Variants in HS6ST2 observed in about 807,000 individuals in gnomAD.
HS6ST2 encodes heparan-sulfate 6-O-sulfotransferase 2.
In HS6ST2, 17 loss-of-function variants were observed where a neutral mutation model predicts 33.0. That is an observed-to-expected ratio of 0.52 (90% CI 0.35 to 0.77). The LOEUF (loss-of-function observed/expected upper bound fraction) is 0.77, where lower values mean the gene tolerates loss of function less well. HS6ST2 is among the 30% of genes least tolerant of loss of function. The pLI is 0.01. For missense variants in HS6ST2, 519 were observed against 551.7 expected, an observed-to-expected ratio of 0.94 and a Z score of 0.59; for synonymous variants, 248 against 237.1, an observed-to-expected ratio of 1.05 and a Z score of -0.42.
intron 2 of HS6ST2, among the ~76,000 whole-genome samples, chrX:132,945,009 C>A (rs1426695865): frequency 4.5e-5 from 5 of 111,909 alleles, no homozygotes; most frequent in Non-Finnish European, 9.4e-5. Flanking sequence ...CAAATGATAT[C>A]TAATTAAACT....
chrX:132,740,668 A>T (rs2064562927), intron 2 of HS6ST2, among the ~76,000 whole-genome samples: 1 of 111,018 alleles, frequency 9.0e-6, no homozygotes, highest in South Asian at 3.8e-4. Context: ...AAAAAAATTC[A>T]GGACTTTTTT....
rs188606879 is a variant in HS6ST2, at chrX:132,846,426, T to A, written c.947+110382A>T. On this transcript the variant is annotated intron_variant, in intron 2 of 4. Coordinates refer to ENST00000370833, the MANE Select transcript of HS6ST2 (RefSeq NM_001394073.1). Reference sequence around the variant, plus strand: ...GATGCAATATCATTGAAAGCTGAAATGAGAGTCTGATGATCTTGACCAACA... The same window carrying A: ...GATGCAATATCATTGAAAGCTGAAAAGAGAGTCTGATGATCTTGACCAACA... 8.1e-3 allele frequency among the ~76,000 whole-genome samples: 913 copies of A among 112,466 alleles called. 7 individuals carry two copies. The highest frequency in any genetic ancestry group is 0.012 in the Non-Finnish European group (649 of 53,257).
intron 2 of HS6ST2, among the ~76,000 whole-genome samples, chrX:132,820,046 T>C (rs956242437): frequency 8.9e-6 from 1 of 112,015 alleles, no homozygotes; most frequent in Non-Finnish European, 1.9e-5. Context: ...TCTGAAGCGT[T>C]TCATTCTAAG....
At position 132,638,388 on chromosome X, in the gene HS6ST2, T is replaced by C. The variant is rs1015812294; in HGVS notation, c.1068-9295A>G. ...CCAAACAGGAGTTTAATAAATGCTG[T>C]TATCAGCAGTGGCAGCAGTCTCATA... On this transcript the variant is annotated intron_variant, in intron 4 of 4. Transcript: ENST00000370833. 3.6e-5 allele frequency among the ~76,000 whole-genome samples: 4 copies of C among 111,331 alleles called. No individual in the cohort carries two copies. In the Admixed American group the frequency reaches 3.9e-4, roughly 11 times the overall value.
intron 2 of HS6ST2, among the ~76,000 whole-genome samples, chrX:132,783,547 A>G (rs2065033100): frequency 9.0e-6 from 1 of 110,794 alleles, no homozygotes; most frequent in African/African-American, 3.3e-5. Flanking sequence ...CCACCCACAC[A>G]CACCCAAAGT....
intron 2 of HS6ST2, among the ~76,000 whole-genome samples, chrX:132,748,592 A>C (rs954320444): frequency 1.8e-5 from 2 of 110,571 alleles, no homozygotes; most frequent in Admixed American, 9.6e-5. Context: ...CTTGGGAAAA[A>C]CCTTTCTACA....
chrX:132,684,322 T>C (rs915949231), intron 3 of HS6ST2, among the ~76,000 whole-genome samples: 18 of 105,105 alleles, frequency 1.7e-4, no homozygotes, highest in African/African-American at 6.2e-4. Context: ...TATATGTATA[T>C]ACATATATAT....
chrX:132,889,464 T>C (rs1443364161), intron 2 of HS6ST2, among the ~76,000 whole-genome samples: 1 of 110,453 alleles, frequency 9.1e-6, no homozygotes, highest in African/African-American at 3.3e-5. Flanking sequence ...CTATACTGGG[T>C]CAAAGGGAAC....
At chrX:132,839,448 C>T (rs868340204) in intron 2 of HS6ST2, among the ~76,000 whole-genome samples, 2 of 106,938 alleles carry the variant, frequency 1.9e-5, no homozygotes, top group South Asian at 8.3e-4. Context: ...AACTCAGAAA[C>T]AGTCAAATAC....
At chrX:132,738,805 A>G (rs1277537876) in intron 2 of HS6ST2, among the ~76,000 whole-genome samples, 2 of 111,943 alleles carry the variant, frequency 1.8e-5, no homozygotes, top group Admixed American at 1.9e-4. Context: ...CCCCACATCC[A>G]AGCACATCTT....
chrX:132,907,935 A>G (rs1480476319), intron 2 of HS6ST2, among the ~76,000 whole-genome samples: 1 of 112,109 alleles, frequency 8.9e-6, no homozygotes, highest in Non-Finnish European at 1.9e-5. Context: ...GAAATCATCA[A>G]AATTTTAAAC....
chrX:132,667,385 T>C (rs1012318815), intron 4 of HS6ST2, among the ~76,000 whole-genome samples: 3 of 112,070 alleles, frequency 2.7e-5, no homozygotes, highest in Admixed American at 1.9e-4. Context: ...GAGAGACCCT[T>C]CACCATGGCA....
Position 132,626,413 on chromosome X carries a change from A to G in HS6ST2, c.*1810T>C, listed in dbSNP as rs998455717. On this transcript the variant is annotated 3_prime_UTR_variant, in exon 5 of 5. Coordinates refer to ENST00000370833, the MANE Select transcript of HS6ST2 (RefSeq NM_001394073.1). ...ATTGTACACAAAATAGTTTTACTCT[A>G]AAACACTGTGACTTCAAGGTGTGGA... 8.9e-6 allele frequency: 1 copy of G among 112,733 alleles called. No individual in the cohort carries two copies. The highest frequency in any genetic ancestry group is 1.9e-5 in the Non-Finnish European group (1 of 53,320). 9.3% of individuals were successfully genotyped at this position (112,733 alleles called of 1,213,427 possible).
At chrX:132,812,019 A>G (rs1213654056) in intron 2 of HS6ST2, among the ~76,000 whole-genome samples, 1 of 109,401 alleles carries the variant, frequency 9.1e-6, no homozygotes, top group Non-Finnish European at 1.9e-5. Context: ...TGTTTTCCAC[A>G]GTAGCTGCAC....
intron 2 of HS6ST2, among the ~76,000 whole-genome samples, chrX:132,852,678 C>T (rs984301265): frequency 3.6e-5 from 4 of 112,214 alleles, no homozygotes; most frequent in African/African-American, 1.3e-4. Context: ...CTTCTCCTAC[C>T]CTGTCATCAA....
intron 2 of HS6ST2, among the ~76,000 whole-genome samples, chrX:132,951,941 A>G (rs969173327): frequency 2.7e-5 from 3 of 112,300 alleles, no homozygotes; most frequent in African/African-American, 9.7e-5. Flanking sequence ...TTCTACCATA[A>G]GCTCTGTGAG....
intron 2 of HS6ST2, among the ~76,000 whole-genome samples, chrX:132,923,037 T>C (rs1433043322): frequency 1.2e-5 from 1 of 84,325 alleles, no homozygotes; most frequent in Non-Finnish European, 2.1e-5. Context: ...CACTCCAGTC[T>C]GGGTGACGGA....
chrX:132,947,790 C>T lies in HS6ST2; in HGVS notation c.947+9018G>A, dbSNP rs925699814. Among the ~76,000 whole-genome samples, 5 of 111,693 alleles carry T rather than the reference C, an allele frequency of 4.5e-5. No individual in the cohort carries two copies. The Admixed American group carries it at 4.8e-4, about 11-fold the overall frequency. On this transcript the variant is annotated intron_variant, in intron 2 of 4. Coordinates refer to ENST00000370833, the MANE Select transcript of HS6ST2 (RefSeq NM_001394073.1). ...TAACTGAAGAGTTGGCTGCCATGAT[C>T]AAAGAGCCCTTTAAAAGTATTTCTG...
chrX:132,708,627 A>G (rs2064205823), intron 2 of HS6ST2, 133 bp from the exon 3 acceptor site: 1 of 538,043 alleles, frequency 1.9e-6, no homozygotes, highest in South Asian at 2.9e-5. Context: ...CAGCTCATAG[A>G]TGGCTTCTCC....
Sources: gnomAD v4.1 joint callset for allele counts (sites outside exome capture counted in the v4.1 genomes callset) on GRCh38, gnomAD v4.1.1 for gene constraint, MANE v1.5 for transcripts, NCBI Gene and HGNC (gene_info 2026-07-23, HGNC 2026-07-21) for gene names.